The following SDCCAG8 variants were observed in gnomAD, a reference collection of about 807,000 sequenced individuals.
The protein encoded by SDCCAG8 is serologically defined colon cancer antigen 8.
In SDCCAG8, 74 loss-of-function variants were observed where a neutral mutation model predicts 101.8. The observed-to-expected ratio is 0.73, with a 90% CI of 0.60 to 0.88. SDCCAG8 has a LOEUF of 0.88. Ranked by LOEUF, SDCCAG8 falls within the 40% of genes least tolerant of loss-of-function variation. The pLI, the probability that SDCCAG8 is intolerant of heterozygous loss-of-function variation, is 0.00. For missense variants in SDCCAG8, 787 were observed against 822.6 expected, an observed-to-expected ratio of 0.96 and a Z score of 0.53; for synonymous variants, 281 against 292.9, an observed-to-expected ratio of 0.96 and a Z score of 0.41.
chr1:243,433,072 C>T (rs1374705290), intron 16 of SDCCAG8, among the ~76,000 whole-genome samples: 1 of 152,032 alleles, frequency 6.6e-6, no homozygotes, highest in African/African-American at 2.4e-5. Flanking sequence ...TCACCTCCTC[C>T]GTTGCCATCG....
At chr1:243,332,644 G>A (rs890121298) in intron 10 of SDCCAG8, among the ~76,000 whole-genome samples, 1 of 151,866 alleles carries the variant, frequency 6.6e-6, no homozygotes, top group Non-Finnish European at 1.5e-5. Flanking sequence ...CGGTCTGGAG[G>A]TGATTATCGC....
At chr1:243,326,210 G>A (rs1319121930) in intron 9 of SDCCAG8, among the ~76,000 whole-genome samples, 1 of 152,036 alleles carries the variant, frequency 6.6e-6, no homozygotes, top group Non-Finnish European at 1.5e-5. Context: ...GTGGGTAAGT[G>A]GTGTGAACTT....
intron 13 of SDCCAG8, among the ~76,000 whole-genome samples, chr1:243,401,466 T>C (rs865797991): frequency 6.6e-6 from 1 of 152,310 alleles, no homozygotes; most frequent in Middle Eastern, 3.4e-3. Flanking sequence ...TAATGAATGA[T>C]ATAAGGATGA....
At chr1:243,495,609 C>T (rs1667633226) in intron 17 of SDCCAG8, among the ~76,000 whole-genome samples, 1 of 152,226 alleles carries the variant, frequency 6.6e-6, no homozygotes, top group African/African-American at 2.4e-5. Flanking sequence ...GTGAGAACTT[C>T]AGTCGCTGTG....
At chr1:243,302,950 GAAT>G (rs1197562149) in intron 6 of SDCCAG8, among the ~76,000 whole-genome samples, 1 of 152,182 alleles carries the variant, frequency 6.6e-6, no homozygotes, top group Non-Finnish European at 1.5e-5. Context: ...CCATAACAAT[GAAT>G]TCCTGCTGGA....
intron 6 of SDCCAG8, among the ~76,000 whole-genome samples, chr1:243,302,409 C>T (rs368009828): frequency 8.6e-5 from 13 of 151,996 alleles, no homozygotes; most frequent in African/African-American, 2.4e-4. Flanking sequence ...GATTTGATGC[C>T]GGAAGGGATA....
At chr1:243,425,368 C>A (rs2081273458) in intron 15 of SDCCAG8, among the ~76,000 whole-genome samples, 1 of 152,076 alleles carries the variant, frequency 6.6e-6, no homozygotes, top group Non-Finnish European at 1.5e-5. Context: ...ATGAGGTGAA[C>A]TAAAAGCAAG....
intron 16 of SDCCAG8, among the ~76,000 whole-genome samples, chr1:243,435,229 A>C (rs1378496937): frequency 1.3e-5 from 2 of 152,148 alleles, no homozygotes; most frequent in Non-Finnish European, 2.9e-5. Flanking sequence ...CCTAAAACCA[A>C]GTTCTCTGGG....
At chr1:243,256,264 C>A (rs748611172) in intron 1 of SDCCAG8, 24 bp downstream of exon 1, 1 of 1,610,622 alleles carries the variant, frequency 6.2e-7, no homozygotes, top group South Asian at 1.1e-5. Context: ...AACCTCTGTC[C>A]CTAGCCCCGA....
chr1:243,476,306 G>A (rs1319525951), intron 16 of SDCCAG8: 8 of 985,302 alleles, frequency 8.1e-6, no homozygotes, highest in East Asian at 2.3e-4. Flanking sequence ...CGTAGCGGAC[G>A]GCCAGGAGTT....
intron 8 of SDCCAG8, among the ~76,000 whole-genome samples, chr1:243,310,823 A>G (rs1240953480): frequency 6.6e-6 from 1 of 152,212 alleles, no homozygotes; most frequent in Non-Finnish European, 1.5e-5. Context: ...TGAGCAATAA[A>G]AGAGGAAGAT....
chr1:243,304,965 C>T (rs1369787665), intron 7 of SDCCAG8, 188 bp downstream of exon 7: 9 of 577,546 alleles, frequency 1.6e-5, no homozygotes, highest in East Asian at 1.5e-4. Flanking sequence ...TTCCAAATCA[C>T]GTTCCCATTT....
intron 13 of SDCCAG8, among the ~76,000 whole-genome samples, chr1:243,380,982 T>C (rs2077909287): frequency 6.6e-6 from 1 of 152,118 alleles, no homozygotes; most frequent in South Asian, 2.1e-4. Flanking sequence ...CTCACCATAC[T>C]TTATTGATTC....
chr1:243,370,662 C>A (rs1201771350), intron 12 of SDCCAG8, among the ~76,000 whole-genome samples: 1 of 152,106 alleles, frequency 6.6e-6, no homozygotes, highest in African/African-American at 2.4e-5. Flanking sequence ...TAGAAAGGCA[C>A]TTCTTTCTTG....
chr1:243,474,401 C>T lies in SDCCAG8; in HGVS notation c.1986-14613C>T, dbSNP rs1209026826. Among the ~76,000 whole-genome samples, 1 of 152,194 alleles carries T rather than the reference C, an allele frequency of 6.6e-6. No individual in the cohort carries two copies. Among genetic ancestry groups the T allele is most frequent in the Non-Finnish European group, 1.5e-5 (1 of 68,028 alleles). Reference sequence around the variant, plus strand: ...CCCAGCCTCCCCAAGCCCCGGCCGGCTGCCCTCCAGGTGCGGGCTCCAGGC... The same window carrying T: ...CCCAGCCTCCCCAAGCCCCGGCCGGTTGCCCTCCAGGTGCGGGCTCCAGGC... On this transcript the variant is annotated intron_variant, in intron 16 of 17. Transcript: ENST00000366541. The surrounding 1 kb of genome is among the most constrained non-coding windows in gnomAD (Gnocchi z 4.7).
intron 6 of SDCCAG8, 120 bp from the exon 7 acceptor site, chr1:243,304,593 A>G: frequency 3.1e-6 from 2 of 644,420 alleles, no homozygotes; most frequent in Non-Finnish European, 2.8e-6. Context: ...TTTTCTAAGA[A>G]GACATGTTTC....
rs144613183 is a variant in SDCCAG8, at chr1:243,409,178, T to C, written c.1617-6524T>C. ...AATCTAGTTACTAGTAGATTTGCTT[T>C]CCATAGATTATTAATTTTGAAACTA... On this transcript the variant is annotated intron_variant, in intron 13 of 17. Transcript: ENST00000366541. Among the ~76,000 whole-genome samples the C allele has an allele frequency of 5.2e-3, 786 of 152,294 alleles. 20 individuals are homozygous for C. The highest frequency in any genetic ancestry group is 0.041 in the Admixed American group (633 of 15,280).
Position 243,439,743 on chromosome 1 carries a change from T to C in SDCCAG8, c.1985+13185T>C, listed in dbSNP as rs115748056. ...GGGAAATTGAGGCTCTGAGAAGTTA[T>C]ATAACTTACCCAACATCACATAGCT... On this transcript the variant is annotated intron_variant, in intron 16 of 17. Coordinates refer to ENST00000366541, the MANE Select transcript of SDCCAG8 (RefSeq NM_006642.5). Among the ~76,000 whole-genome samples, 699 of 152,154 alleles carry C rather than the reference T, an allele frequency of 4.6e-3. 6 individuals are homozygous for C. The highest frequency in any genetic ancestry group is 0.016 in the African/African-American group (672 of 41,496).
intron 16 of SDCCAG8, among the ~76,000 whole-genome samples, chr1:243,462,662 A>G (rs1242570857): frequency 1.3e-5 from 2 of 152,010 alleles, no homozygotes; most frequent in African/African-American, 4.8e-5. Flanking sequence ...TTTTCACATT[A>G]TCTTAAAACT....
Sources: gnomAD v4.1 joint callset for allele counts (sites outside exome capture counted in the v4.1 genomes callset) on GRCh38, gnomAD v4.1.1 for gene constraint, Gnocchi (gnomAD v3.1) non-coding constraint, MANE v1.5 for transcripts, NCBI Gene and HGNC (gene_info 2026-07-23, HGNC 2026-07-21) for gene names.